The following TNFAIP8L3 variants were observed in gnomAD, a reference collection of about 807,000 sequenced individuals.
The protein encoded by TNFAIP8L3 is tumor necrosis factor alpha-induced protein 8-like protein 3.
TNFAIP8L3 carries 7 observed loss-of-function variants against 11.8 expected under a neutral mutation model. The ratio of observed to expected loss-of-function variants is 0.59; its 90% CI spans 0.34 to 1.11. TNFAIP8L3 has a LOEUF of 1.11. TNFAIP8L3 is among the 50% of genes most tolerant of loss of function. The pLI, the probability that TNFAIP8L3 is intolerant of heterozygous loss-of-function variation, is 0.03. For missense variants in TNFAIP8L3, 219 were observed against 258.6 expected (o/e 0.85, Z 1.05); for synonymous variants, 98 against 103.8 (o/e 0.94, Z 0.34).
At chr15:51,081,891 A>G (rs1416496781) in intron 1 of TNFAIP8L3, among the ~76,000 whole-genome samples, 1 of 152,114 alleles carries the variant, frequency 6.6e-6, no homozygotes, top group African/African-American at 2.4e-5. Context: ...TCCTGTCTCA[A>G]TCATTCTCCC....
chr15:51,090,287 T>G (rs964366460), intron 1 of TNFAIP8L3, among the ~76,000 whole-genome samples: 2 of 152,214 alleles, frequency 1.3e-5, no homozygotes, highest in African/African-American at 4.8e-5. Flanking sequence ...AAATGCCATT[T>G]GCACCCTCCC....
chr15:51,100,672 A>G (rs1343343255), intron 1 of TNFAIP8L3, among the ~76,000 whole-genome samples: 3 of 152,186 alleles, frequency 2.0e-5, no homozygotes, highest in Non-Finnish European at 4.4e-5. Context: ...AAGAAGACAT[A>G]TCAGGGATCT....
intron 1 of TNFAIP8L3, among the ~76,000 whole-genome samples, chr15:51,073,532 C>T (rs2065327334): frequency 6.6e-6 from 1 of 152,096 alleles, no homozygotes; most frequent in African/African-American, 2.4e-5. Context: ...CCAACTGATC[C>T]CTGTATACTT....
In TNFAIP8L3 at chr15:51,057,818, C is replaced by T; in HGVS notation, c.*63G>A. 1.4e-6 allele frequency: 2 copies of T among 1,386,646 alleles called. No individual in the cohort carries two copies. The highest frequency in any genetic ancestry group is 2.3e-5 in the East Asian group (1 of 43,232). The allele number at this position is 1,386,646 out of a possible 1,614,324, so 85.9% of individuals were successfully genotyped here. ...GGTTTCTGCTTATGTTCTTGATTCT[C>T]ACCCAGATCATGGTTGAGTGCTGTA... On this transcript the variant is annotated 3_prime_UTR_variant, in exon 2 of 2. Transcript: ENST00000637513.
chr15:51,090,715 A>G (rs994606522), intron 1 of TNFAIP8L3, among the ~76,000 whole-genome samples: 2 of 152,118 alleles, frequency 1.3e-5, no homozygotes, highest in Non-Finnish European at 2.9e-5. Context: ...AGGGAGAGGA[A>G]GGGCAGAGTT....
At chr15:51,090,644 T>C (rs1158745089) in intron 1 of TNFAIP8L3, among the ~76,000 whole-genome samples, 1 of 152,168 alleles carries the variant, frequency 6.6e-6, no homozygotes, top group Non-Finnish European at 1.5e-5. Context: ...AGGATCCTAT[T>C]GAATCCTATC....
At chr15:51,100,423 AT>A (rs1242850025) in intron 1 of TNFAIP8L3, among the ~76,000 whole-genome samples, 1 of 151,896 alleles carries the variant, frequency 6.6e-6, no homozygotes, top group Non-Finnish European at 1.5e-5. Flanking sequence ...AAGAGTAGTG[AT>A]TTAGAGAAAG....
intron 1 of TNFAIP8L3, among the ~76,000 whole-genome samples, chr15:51,063,203 A>T (rs894421611): frequency 6.6e-6 from 1 of 152,202 alleles, no homozygotes; most frequent in South Asian, 2.1e-4. Flanking sequence ...ATTTGTGGTA[A>T]TTTGTTACAG....
chr15:51,079,727 G>GT (rs1324917788), intron 1 of TNFAIP8L3, among the ~76,000 whole-genome samples: 1 of 151,968 alleles, frequency 6.6e-6, no homozygotes, highest in Non-Finnish European at 1.5e-5. Flanking sequence ...GCTCATGCCT[G>GT]TAATCTCAGC....
intron 1 of TNFAIP8L3, among the ~76,000 whole-genome samples, chr15:51,080,229 C>A (rs1215330505): frequency 1.3e-5 from 2 of 152,204 alleles, no homozygotes; most frequent in Non-Finnish European, 2.9e-5. Flanking sequence ...CATGTAGTGT[C>A]CTATAACTTC....
upstream of TNFAIP8L3, among the ~76,000 whole-genome samples, chr15:51,099,843 T>C (rs1457726923): frequency 6.6e-6 from 1 of 151,560 alleles, no homozygotes; most frequent in Non-Finnish European, 1.5e-5. Flanking sequence ...GCAACTAGAG[T>C]CTTTGTGGTT....
chr15:51,085,862 T>C (rs2065423716), intron 1 of TNFAIP8L3, among the ~76,000 whole-genome samples: 1 of 152,216 alleles, frequency 6.6e-6, no homozygotes, highest in Admixed American at 6.5e-5. Context: ...AGTCTTCTCT[T>C]AGGGCTCAAT....
chr15:51,092,310 A>T (rs72727118), intron 1 of TNFAIP8L3, among the ~76,000 whole-genome samples: 2,771 of 152,320 alleles, frequency 0.018, 35 homozygotes, highest in Middle Eastern at 0.034. Context: ...TCCATGGATG[A>T]ATGTCAAGTT....
rs139063747 is a variant in TNFAIP8L3, at chr15:51,083,602, C to T, written c.52+10942G>A. 6.4e-4 allele frequency among the ~76,000 whole-genome samples: 97 copies of T among 152,310 alleles called. 1 individual carries two copies. The highest frequency in any genetic ancestry group is 1.6e-3 in the African/African-American group (66 of 41,550). ...ATGGCTGAGTCCACAGGCTCACCCA[C>T]GGGTGCGTTTAGACTGGGATGCTGC... is the stretch of plus-strand genomic sequence containing the variant. On this transcript the variant is annotated intron_variant, in intron 1 of 1. Coordinates refer to ENST00000637513, the MANE Select transcript of TNFAIP8L3 (RefSeq NM_001311175.2).
chr15:51,060,604 C>T lies in TNFAIP8L3; in HGVS notation c.53-2161G>A, dbSNP rs147529692. 3.9e-5 allele frequency among the ~76,000 whole-genome samples: 6 copies of T among 152,306 alleles called. No homozygotes were observed. In the East Asian group the frequency reaches 1.2e-3, roughly 29 times the overall value. On this transcript the variant is annotated intron_variant, in intron 1 of 1. Transcript: ENST00000637513. ...CTGAGGGCAGGGACTTGTGTCTAAG[C>T]CTGATTACCCCCAATGCCTGGCACA...
intron 1 of TNFAIP8L3, among the ~76,000 whole-genome samples, chr15:51,092,415 A>C (rs2065478122): frequency 6.6e-6 from 1 of 152,258 alleles, no homozygotes; most frequent in Non-Finnish European, 1.5e-5. Context: ...GACAGGATGC[A>C]GCCCTAGCAA....
intron 1 of TNFAIP8L3, among the ~76,000 whole-genome samples, chr15:51,072,619 T>C (rs1216686145): frequency 6.6e-6 from 1 of 152,178 alleles, no homozygotes; most frequent in East Asian, 1.9e-4. Context: ...CTGAAAATTA[T>C]CTGTACATAT....
At chr15:51,093,333 T>C (rs888553494) in intron 1 of TNFAIP8L3, among the ~76,000 whole-genome samples, 1 of 152,118 alleles carries the variant, frequency 6.6e-6, no homozygotes, top group Non-Finnish European at 1.5e-5. Context: ...CGTCACTGGG[T>C]CCTGGCTACT....
At chr15:51,066,306 G>C (rs760019969) in intron 1 of TNFAIP8L3, among the ~76,000 whole-genome samples, 7 of 151,980 alleles carry the variant, frequency 4.6e-5, no homozygotes, top group Admixed American at 6.6e-5. Flanking sequence ...GGGACTACAG[G>C]TACACACCAC....
Sources: allele counts gnomAD v4.1 joint callset (sites outside exome capture counted in the v4.1 genomes callset), GRCh38; gene constraint gnomAD v4.1.1; transcripts MANE v1.5; gene names NCBI Gene and HGNC (gene_info 2026-07-23, HGNC 2026-07-21).